Variants in WWC1 observed in about 807,000 individuals in gnomAD.
The protein encoded by WWC1 is WW and C2 domain containing 1.
In WWC1, 55 loss-of-function variants were observed where a neutral mutation model predicts 138.4. That is an observed-to-expected ratio of 0.40 (90% CI 0.32 to 0.50). The LOEUF (loss-of-function observed/expected upper bound fraction) is 0.50. Ranked by LOEUF, WWC1 falls within the 20% of genes least tolerant of loss-of-function variation. WWC1 has a pLI of 0.72. For synonymous variants in WWC1, 524 were observed against 564.9 expected (o/e 0.93, Z 1.03); for missense variants, 1,226 against 1,420.4 (o/e 0.86, Z 2.20).
chr5:168,422,952 C>A (rs558227865), intron 10 of WWC1, among the ~76,000 whole-genome samples: 53 of 151,994 alleles, frequency 3.5e-4, no homozygotes, highest in African/African-American at 1.2e-3. Flanking sequence ...TCGAGACTAG[C>A]CTGGGCAACA....
chr5:168,386,530 C>CT (rs1474007187), intron 3 of WWC1, among the ~76,000 whole-genome samples: 1 of 150,378 alleles, frequency 6.6e-6, no homozygotes, highest in Non-Finnish European at 1.5e-5. Flanking sequence ...GTAGCTGGGA[C>CT]TACAGGCGCC....
intron 1 of WWC1, among the ~76,000 whole-genome samples, chr5:168,356,448 G>A (rs1775428138): frequency 6.6e-6 from 1 of 152,248 alleles, no homozygotes; most frequent in Admixed American, 6.5e-5. Flanking sequence ...AGGAAAAAAG[G>A]TGTCATACAT....
chr5:168,374,478 TAGA>T (rs1243353383), intron 2 of WWC1, among the ~76,000 whole-genome samples: 3 of 152,094 alleles, frequency 2.0e-5, no homozygotes, highest in South Asian at 2.1e-4. Context: ...AAAGCATAGA[TAGA>T]AGAAGAACTC....
intron 2 of WWC1, among the ~76,000 whole-genome samples, chr5:168,374,962 A>G (rs1777057052): frequency 6.6e-6 from 1 of 152,218 alleles, no homozygotes; most frequent in African/African-American, 2.4e-5. Flanking sequence ...AACTAGAAGG[A>G]TGGAGTTGCT....
intron 2 of WWC1, among the ~76,000 whole-genome samples, chr5:168,380,163 C>T (rs1006514121): frequency 6.6e-6 from 1 of 152,136 alleles, no homozygotes; most frequent in Non-Finnish European, 1.5e-5. Context: ...CAGTAAGAAG[C>T]AGCTGGCACA....
intron 6 of WWC1, among the ~76,000 whole-genome samples, chr5:168,407,920 T>C (rs1276501426): frequency 6.6e-6 from 1 of 151,728 alleles, no homozygotes; most frequent in Non-Finnish European, 1.5e-5. Flanking sequence ...TGGAATGCAG[T>C]GGCATGATCA....
intron 1 of WWC1, among the ~76,000 whole-genome samples, chr5:168,306,831 A>T (rs1770603391): frequency 6.6e-6 from 1 of 152,234 alleles, no homozygotes. Context: ...TCCTGACCTC[A>T]GGTGATCCAC....
chr5:168,459,220 C>T (rs183821574), intron 19 of WWC1, among the ~76,000 whole-genome samples: 21 of 146,830 alleles, frequency 1.4e-4, no homozygotes, highest in Non-Finnish European at 2.2e-4. Context: ...CACCATTGCA[C>T]TCCAGCCTGG....
At chr5:168,316,064 C>A (rs1399466356) in intron 1 of WWC1, among the ~76,000 whole-genome samples, 3 of 152,208 alleles carry the variant, frequency 2.0e-5, no homozygotes, top group East Asian at 1.9e-4. Context: ...CAGGCCTCCC[C>A]CCTCTTTTCA....
At chr5:168,444,433 C>A in intron 16 of WWC1, 61 bp from the exon 17 acceptor site, 1 of 1,488,920 alleles carries the variant, frequency 6.7e-7, no homozygotes, top group Non-Finnish European at 9.1e-7. Flanking sequence ...TGCTCTGATT[C>A]CTGGCAGGTA....
At position 168,464,766 on chromosome 5, in the gene WWC1, T is replaced by C. The variant is rs777240715; in HGVS notation, c.2954T>C (p.Ile985Thr). Residue 985 changes from isoleucine (I) to threonine (T), a missense_variant, in exon 21 of 23, where the codon ATC becomes ACC. Ile to Thr is a moderately conservative substitution (Grantham distance 89, BLOSUM62 -1). Transcript: ENST00000265293. ...AAGTCGCTGCGCTCCGAGCGTCTGA[T>C]CCGTACCTCGCTGGACCTGGAGTTA... ...SVKSLRSERL[I>T]RTSLDLELDL... 35 of 1,613,864 alleles carry C rather than the reference T, an allele frequency of 2.2e-5. No homozygotes were observed. Among genetic ancestry groups the C allele is most frequent in the Non-Finnish European group, 3.0e-5 (35 of 1,180,018 alleles).
chr5:168,326,657 G>A (rs927848200), intron 1 of WWC1, among the ~76,000 whole-genome samples: 3 of 152,048 alleles, frequency 2.0e-5, no homozygotes, highest in Non-Finnish European at 4.4e-5. Flanking sequence ...CAATTCTTCT[G>A]CCTCAGCCTT....
chr5:168,447,061 T>A (rs760419351), intron 17 of WWC1, among the ~76,000 whole-genome samples: 5 of 152,162 alleles, frequency 3.3e-5, no homozygotes, highest in Non-Finnish European at 7.3e-5. Context: ...CCTGGGTGAT[T>A]CTAATGTGCA....
intron 1 of WWC1, among the ~76,000 whole-genome samples, chr5:168,345,143 T>C (rs1014226274): frequency 6.6e-6 from 1 of 152,192 alleles, no homozygotes; most frequent in African/African-American, 2.4e-5. Context: ...TTCACTCTGT[T>C]GCCCAGGCTG....
At chr5:168,441,598 A>G (rs893313417) in intron 15 of WWC1, 84 bp from the exon 16 acceptor site, 21 of 1,492,228 alleles carry the variant, frequency 1.4e-5, no homozygotes, top group South Asian at 2.6e-5. Context: ...TGTTTTTTCC[A>G]TACTGTCCTC....
rs542075746 is a variant in WWC1, at chr5:168,441,633, G to A, written c.2281-49G>A. ...CTTGAACCAAATTCCCTGACACCTG[G>A]TGTCCCCCCCACCGCCACTTATGTT... On this transcript the variant is annotated intron_variant, in intron 15 of 22. Coordinates refer to ENST00000265293, the MANE Select transcript of WWC1 (RefSeq NM_015238.3). 9.0e-5 allele frequency: 143 copies of A among 1,589,950 alleles called. No individual in the cohort carries two copies. In the African/African-American group the frequency reaches 1.6e-3, roughly 18 times the overall value.
chr5:168,439,106 T>C (rs1160906125), intron 15 of WWC1, among the ~76,000 whole-genome samples: 1 of 152,170 alleles, frequency 6.6e-6, no homozygotes, highest in Non-Finnish European at 1.5e-5. Context: ...GTAGATAGAC[T>C]ATAGACACAG....
intron 2 of WWC1, among the ~76,000 whole-genome samples, chr5:168,374,215 T>C (rs13154111): frequency 0.24 from 35,975 of 152,120 alleles, 4,469 homozygotes; most frequent in South Asian, 0.45. Context: ...CTTGCTCTTA[T>C]AGAAATTTCA....
intron 1 of WWC1, among the ~76,000 whole-genome samples, chr5:168,356,371 G>C (rs1296522355): frequency 2.0e-5 from 3 of 152,252 alleles, no homozygotes; most frequent in South Asian, 2.1e-4. Flanking sequence ...TGTGAACCTG[G>C]GTCCCTGGGG....
Sources: allele counts gnomAD v4.1 joint callset (sites outside exome capture counted in the v4.1 genomes callset), GRCh38; gene constraint gnomAD v4.1.1; transcripts MANE v1.5; gene names NCBI Gene and HGNC (gene_info 2026-07-23, HGNC 2026-07-21).